Variants in TERT observed in about 807,000 individuals in gnomAD.
The protein encoded by TERT is telomerase catalytic subunit.
TERT carries 42 observed loss-of-function variants against 104.0 expected under a neutral mutation model. The observed-to-expected ratio is 0.40, with a 90% CI of 0.32 to 0.52. TERT has a LOEUF of 0.52. TERT is among the 20% of genes least tolerant of loss of function. The pLI is 0.43. For missense variants in TERT, 1,101 were observed against 1,610.3 expected (o/e 0.68, Z 5.41); for synonymous variants, 781 against 725.6 (o/e 1.08, Z -1.23).
chr5:1,258,160 C>CGG (rs888713255), intron 13 of TERT, among the ~76,000 whole-genome samples: 8 of 152,314 alleles, frequency 5.3e-5, no homozygotes, highest in Admixed American at 5.2e-4. Flanking sequence ...TGCACCTTCC[C>CGG]GGGGGTGGGG....
At chr5:1,282,249 T>C (rs999499656) in intron 3 of TERT, among the ~76,000 whole-genome samples, 180 bp downstream of exon 3, 3 of 152,186 alleles carry the variant, frequency 2.0e-5, no homozygotes, top group African/African-American at 7.2e-5. Flanking sequence ...GAACGTGAGC[T>C]CCAGGCAGTC....
chr5:1,278,608 A>C, intron 6 of TERT, 33 bp downstream of exon 6: 1 of 1,613,766 alleles, frequency 6.2e-7, no homozygotes, highest in Non-Finnish European at 8.5e-7. Flanking sequence ...AGAGACACAC[A>C]TCCTGGACAC....
At position 1,286,776 on chromosome 5, in the gene TERT, G is replaced by A; in HGVS notation, c.1574-4152C>T. On this transcript the variant is annotated intron_variant, in intron 2 of 15. Transcript: ENST00000310581. This position sits in a 1 kb window ranked among gnomAD's most constrained non-coding sequence, Gnocchi z 5.3. ...GCCTGTAATCCCAGCTACTCATGAG[G>A]TTGAGGAATGAGAACTGCTTGAACC... Among the ~76,000 whole-genome samples, 1 of 152,158 alleles carries A rather than the reference G, an allele frequency of 6.6e-6. No individual in the cohort carries two copies. The highest frequency in any genetic ancestry group is 1.9e-4 in the East Asian group (1 of 5,190).
chr5:1,258,973 C>T (rs2736120), intron 12 of TERT, among the ~76,000 whole-genome samples: 52 of 142,822 alleles, frequency 3.6e-4, no homozygotes, highest in Non-Finnish European at 5.5e-4. Context: ...GGGGAGTGGA[C>T]GCGGATGCCC....
At chr5:1,258,484 A>T in intron 13 of TERT, 114 bp downstream of exon 13, 1 of 937,154 alleles carries the variant, frequency 1.1e-6, no homozygotes, top group Non-Finnish European at 1.7e-6. Flanking sequence ...TGAAAACGTA[A>T]GACATTCCTT....
At position 1,294,612 on chromosome 5, in the gene TERT, C is replaced by G; in HGVS notation, c.274G>C (p.Gly92Arg). ...ARVLQRLCERGAKNVLAFGFA... is the reference protein window; with the variant it reads ...ARVLQRLCERRAKNVLAFGFA... ...CCGAAGGCCAGCACGTTCTTCGCGCCGCGCTCGCACAGCCTCTGCAGCACT... is the reference window on the plus strand; with the variant it reads ...CCGAAGGCCAGCACGTTCTTCGCGCGGCGCTCGCACAGCCTCTGCAGCACT... The change falls in exon 2 of 16, where the codon GGC becomes CGC. Residue 92 changes from glycine (G) to arginine (R), a missense_variant. Coordinates refer to ENST00000310581, the MANE Select transcript of TERT (RefSeq NM_198253.3). The G allele has an allele frequency of 6.3e-7, 1 of 1,595,638 alleles. No individual in the cohort carries two copies. The highest frequency in any genetic ancestry group is 8.5e-7 in the Non-Finnish European group (1 of 1,178,722).
In TERT at chr5:1,253,796, T is replaced by C; in HGVS notation, c.3331A>G (p.Thr1111Ala). 1 of 1,611,878 alleles carries C rather than the reference T, an allele frequency of 6.2e-7. No homozygotes were observed. Among genetic ancestry groups the C allele is most frequent in the Non-Finnish European group, 8.5e-7 (1 of 1,179,702 alleles). ...GCTGCGGCCTCCAGGGCAGTCAGCG[T>C]CGTCCCCGGGAGCTTCCGACTCAGC... ...TQLSRKLPGT[T>A]LTALEAAANP... Residue 1111 changes from threonine (T) to alanine (A), a missense_variant, in exon 16 of 16, where the codon ACG (threonine) becomes GCG (alanine). Physicochemically the swap from Thr to Ala is moderately conservative, Grantham distance 58. Coordinates refer to ENST00000310581, the MANE Select transcript of TERT (RefSeq NM_198253.3).
At chr5:1,272,620 C>T (rs1157291608) in intron 6 of TERT, among the ~76,000 whole-genome samples, 468 of 34,014 alleles carry the variant, frequency 0.014, 2 homozygotes, top group Middle Eastern at 0.037. Flanking sequence ...CATCAGACCC[C>T]ACGACCGCCA....
chr5:1,254,020 G>A (rs553879901), intron 15 of TERT, among the ~76,000 whole-genome samples, 189 bp from the exon 16 acceptor site: 46 of 152,324 alleles, frequency 3.0e-4, no homozygotes, highest in African/African-American at 9.4e-4. Flanking sequence ...ACGCTGGAGC[G>A]GCGGGGCGGG....
chr5:1,280,660 A>G (rs1749960563), intron 3 of TERT, among the ~76,000 whole-genome samples: 1 of 152,196 alleles, frequency 6.6e-6, no homozygotes, highest in South Asian at 2.1e-4. Flanking sequence ...ACGTGAACCC[A>G]TGCCCCTCCA....
intron 6 of TERT, among the ~76,000 whole-genome samples, chr5:1,275,847 C>A (rs1244890384): frequency 3.6e-5 from 5 of 137,048 alleles, no homozygotes; most frequent in East Asian, 4.6e-4. Flanking sequence ...TCCCACAGAT[C>A]CCCACCTACC....
In TERT at chr5:1,279,282, G is replaced by T; in HGVS notation, c.2130+9C>A. On this transcript the variant is annotated intron_variant, in intron 5 of 15. Transcript: ENST00000310581. The stretch of plus-strand genomic sequence containing the variant: ...AGCAGGGCTGCTCACGGGGGTCCCC[G>T]GCACCCACCTTGACAAAGTACAGCT... The T allele has an allele frequency of 1.3e-6, 2 of 1,568,934 alleles. No homozygotes were observed. Among genetic ancestry groups the T allele is most frequent in the Non-Finnish European group, 1.7e-6 (2 of 1,159,324 alleles).
In TERT at chr5:1,294,329, G is replaced by A. The variant is rs2126689250; in HGVS notation, c.557C>T (p.Pro186Leu). ...TCGGGGTCCACTAGCGTGTGGCGGG[G>A]GCCGGGCCTGAGTGGCAGCGCCGAG... is the stretch of plus-strand genomic sequence containing the variant. ...YQLGAATQAR[P>L]PPHASGPRRR... is the part of the protein sequence containing the mutation. Residue 186 changes from proline to leucine, a missense_variant, in exon 2 of 16, where the codon CCC becomes CTC. This residue lies in a region of TERT where 504 missense variants were observed against 544.6 expected (regional missense o/e 0.93). Coordinates refer to ENST00000310581, the MANE Select transcript of TERT (RefSeq NM_198253.3). 8 of 1,582,544 alleles carry A rather than the reference G, an allele frequency of 5.1e-6. No homozygotes were observed. The highest frequency in any genetic ancestry group is 6.8e-6 in the Non-Finnish European group (8 of 1,171,424).
In TERT at chr5:1,280,274, C is replaced by T. The variant is rs1749932051; in HGVS notation, c.1834G>A (p.Ala612Thr). The change falls in exon 4 of 16, where the codon GCC becomes ACC. Residue 612 changes from alanine to threonine, a missense_variant. By Grantham distance (58) the Ala-to-Thr change is moderately conservative. This residue lies in a region of TERT where 463 missense variants were observed against 797.5 expected (regional missense o/e 0.58). Coordinates refer to ENST00000310581, the MANE Select transcript of TERT (RefSeq NM_198253.3). ...SEAEVRQHRE[A>T]RPALLTSRLR... ...CTGGACGTCAGCAGGGCGGGCCTGG[C>T]TTCCCGATGCTGCCTGACCTCTGCT... The T allele has an allele frequency of 2.5e-6, 4 of 1,613,748 alleles. No individual in the cohort carries two copies. The highest frequency in any genetic ancestry group is 1.3e-5 in the African/African-American group (1 of 75,068).
In TERT at chr5:1,274,769, C is replaced by T; in HGVS notation, c.2287-2489G>A. On this transcript the variant is annotated intron_variant, in intron 6 of 15. Coordinates refer to ENST00000310581, the MANE Select transcript of TERT (RefSeq NM_198253.3). This position sits in a 1 kb window ranked among gnomAD's most constrained non-coding sequence, Gnocchi z 5.3. ...ACAGCCAGGGGCCTCGGGATCCCTG[C>T]TTTAGAGGGAAAACGGCAACTTCAG... Among the ~76,000 whole-genome samples, 1 of 152,188 alleles carries T rather than the reference C, an allele frequency of 6.6e-6. No homozygotes were observed. Among genetic ancestry groups the T allele is most frequent in the East Asian group, 1.9e-4 (1 of 5,190 alleles).
At chr5:1,271,932 A>T (rs549048312) in intron 7 of TERT, among the ~76,000 whole-genome samples, 15 of 152,370 alleles carry the variant, frequency 9.8e-5, no homozygotes, top group African/African-American at 3.6e-4. Context: ...AATCATGAAC[A>T]AAGGCACTGC....
intron 13 of TERT, among the ~76,000 whole-genome samples, chr5:1,258,073 A>AC (rs1313919992): frequency 6.6e-6 from 1 of 152,228 alleles, no homozygotes; most frequent in African/African-American, 2.4e-5. Flanking sequence ...ACCAGCCAGG[A>AC]CAGGGAACGT....
At chr5:1,264,280 G>A in intron 11 of TERT, 124 bp downstream of exon 11, 1 of 1,022,506 alleles carries the variant, frequency 9.8e-7, no homozygotes, top group Non-Finnish European at 1.5e-6. Context: ...GGCACCCTGT[G>A]GCCTCTGACC....
At chr5:1,273,657 C>T (rs1490751935) in intron 6 of TERT, among the ~76,000 whole-genome samples, 6 of 27,376 alleles carry the variant, frequency 2.2e-4, no homozygotes, top group African/African-American at 9.2e-4. Flanking sequence ...CCGCCATCCA[C>T]AGTCACCACA....
Sources: gnomAD v4.1 joint callset for allele counts (sites outside exome capture counted in the v4.1 genomes callset) on GRCh38, gnomAD v4.1.1 for gene constraint, gnomAD v4.1.1 regional missense constraint, Gnocchi (gnomAD v3.1) non-coding constraint, MANE v1.5 for transcripts, NCBI Gene and HGNC (gene_info 2026-07-23, HGNC 2026-07-21) for gene names.